ALX4: variants seen among roughly 807,000 people sequenced by gnomAD.
The protein encoded by ALX4 is ALX homeobox 4.
A neutral mutation model predicts 40.6 loss-of-function variants in ALX4; 22 were observed. The observed-to-expected ratio is 0.54, with a 90% confidence interval of 0.39 to 0.77. The LOEUF (loss-of-function observed/expected upper bound fraction) is 0.77. Ranked by LOEUF, ALX4 falls within the 30% of genes least tolerant of loss-of-function variation. ALX4 has a pLI of 0.00. For synonymous variants in ALX4, 266 were observed against 240.5 expected, an observed-to-expected ratio of 1.11 and a Z score of -0.98; for missense variants, 556 against 564.8, an observed-to-expected ratio of 0.98 and a Z score of 0.16.
Position 44,264,322 on chromosome 11 carries a change from A to C in ALX4, c.*532T>G. On this transcript the variant is annotated 3_prime_UTR_variant, in exon 4 of 4. Transcript: ENST00000652299. ...AGGTGGAGGCTGGCGCCTTGGCCCCAGCAGGTCGGATTCCGTGTGCTTTCA... is the reference window on the plus strand; with the variant it reads ...AGGTGGAGGCTGGCGCCTTGGCCCCCGCAGGTCGGATTCCGTGTGCTTTCA... 1 of 160,942 alleles carries C rather than the reference A, an allele frequency of 6.2e-6. No individual in the cohort carries two copies. The highest frequency in any genetic ancestry group is 1.4e-5 in the Non-Finnish European group (1 of 73,650). 10.0% of individuals were successfully genotyped at this position (160,942 alleles called of 1,614,324 possible).
chr11:44,281,105 CT>C (rs960602950), intron 1 of ALX4, among the ~76,000 whole-genome samples: 1 of 151,838 alleles, frequency 6.6e-6, no homozygotes, highest in African/African-American at 2.4e-5. Flanking sequence ...ACTGATTTTT[CT>C]TTTTTCTTTC....
intron 1 of ALX4, among the ~76,000 whole-genome samples, chr11:44,297,294 A>G (rs1331297081): frequency 1.3e-5 from 2 of 152,218 alleles, no homozygotes; most frequent in African/African-American, 4.8e-5. Context: ...TCTTAATTAA[A>G]ATAAAGATTT....
intron 1 of ALX4, among the ~76,000 whole-genome samples, chr11:44,279,328 C>T (rs1956295669): frequency 6.6e-6 from 1 of 152,234 alleles, no homozygotes; most frequent in African/African-American, 2.4e-5. Flanking sequence ...TCCCTTCCTT[C>T]TGCAGTTCCC....
Position 44,267,530 on chromosome 11 carries a change from C to T in ALX4, c.870G>A (p.Glu290=), listed in dbSNP as rs1956220526. 2 of 1,614,164 alleles carry T rather than the reference C, an allele frequency of 1.2e-6. No homozygotes were observed. The highest frequency in any genetic ancestry group is 1.7e-6 in the Non-Finnish European group (2 of 1,180,036). The change falls in exon 3 of 4, where the codon GAG becomes GAA. Residue 290 remains glutamate (E), a synonymous_variant. Coordinates refer to ENST00000652299, the MANE Select transcript of ALX4 (RefSeq NM_021926.4). ...TCTCAGCTCGGGTGAGGAGGGGCAGCTCATATGCAGTGGAGAAGTGGGTTC... is the reference window on the plus strand; with the variant it reads ...TCTCAGCTCGGGTGAGGAGGGGCAGTTCATATGCAGTGGAGAAGTGGGTTC... ...QVRTHFSTAY[E]LPLLTRAENY... is the part of the protein sequence containing the mutation.
intron 1 of ALX4, among the ~76,000 whole-genome samples, chr11:44,299,347 G>A (rs1194661491): frequency 6.6e-6 from 1 of 150,546 alleles, no homozygotes; most frequent in Admixed American, 6.8e-5. Flanking sequence ...ACGCTTTGGG[G>A]GCCATGGTTT....
chr11:44,269,276 C>T (rs1032501017), intron 2 of ALX4, among the ~76,000 whole-genome samples: 5 of 152,202 alleles, frequency 3.3e-5, no homozygotes, highest in Admixed American at 6.5e-5. Context: ...ACCTCATAGT[C>T]GCAGCAGGGG....
intron 1 of ALX4, among the ~76,000 whole-genome samples, chr11:44,277,167 GC>G (rs1956282850): frequency 6.6e-6 from 1 of 152,206 alleles, no homozygotes; most frequent in African/African-American, 2.4e-5. Flanking sequence ...AGGCTAGTGT[GC>G]TAGCTATGTA....
At chr11:44,292,930 C>T (rs1236553347) in intron 1 of ALX4, among the ~76,000 whole-genome samples, 1 of 150,598 alleles carries the variant, frequency 6.6e-6, no homozygotes, top group African/African-American at 2.4e-5. Context: ...ACCCCCATCT[C>T]TATAAAAAAA....
intron 1 of ALX4, among the ~76,000 whole-genome samples, chr11:44,301,783 C>T (rs535157150): frequency 3.1e-4 from 47 of 152,322 alleles, no homozygotes; most frequent in African/African-American, 1.1e-3. Context: ...GGGTCCATTT[C>T]CCCTTGGGCC....
intron 1 of ALX4, among the ~76,000 whole-genome samples, chr11:44,283,856 G>A (rs148435784): frequency 1.6e-3 from 245 of 152,222 alleles, no homozygotes; most frequent in African/African-American, 5.5e-3. Context: ...GGACCACCGC[G>A]CCAATATTAG....
chr11:44,274,295 TGTTGTGTTAG>T (rs1379991572), intron 2 of ALX4, among the ~76,000 whole-genome samples: 1 of 151,870 alleles, frequency 6.6e-6, no homozygotes, highest in African/African-American at 2.4e-5. Flanking sequence ...CATTGTGTTG[TGTTGTGTTAG>T]GTTGAGTTCT....
chr11:44,305,107 A>G (rs1302289062), intron 1 of ALX4, among the ~76,000 whole-genome samples: 1 of 152,254 alleles, frequency 6.6e-6, no homozygotes, highest in Non-Finnish European at 1.5e-5. Context: ...ACGTTTTACA[A>G]CGTTTAAGGA....
At position 44,275,494 on chromosome 11, in the gene ALX4, T is replaced by C. The variant is rs281865154; in HGVS notation, c.631A>G (p.Lys211Glu). ...GTCCGGTTCCGCCGCTTCTTGCCCT[T>C]GTTGCTCTCTGAGTCGGCCTTCTCC... Reference protein sequence around the residue: ...PLEKADSESNKGKKRRNRTTF... With the variant: ...PLEKADSESNEGKKRRNRTTF... Residue 211 changes from lysine to glutamate, a missense_variant, in exon 2 of 4, where the codon AAG (lysine) becomes GAG (glutamate). Coordinates refer to ENST00000652299, the MANE Select transcript of ALX4 (RefSeq NM_021926.4). 4.3e-6 allele frequency: 7 copies of C among 1,614,026 alleles called. No individual in the cohort carries two copies. Among genetic ancestry groups the C allele is most frequent in the Non-Finnish European group, 5.1e-6 (6 of 1,179,890 alleles).
chr11:44,264,994 T>C lies in ALX4; in HGVS notation c.1096A>G (p.Ser366Gly), dbSNP rs779876897. Reference sequence around the variant, plus strand: ...CTGAGGCTGGCTGCTCCAAACAGGCTGCCCATGTGCGTCTGGCCCACGTGA... The same window carrying C: ...CTGAGGCTGGCTGCTCCAAACAGGCCGCCCATGTGCGTCTGGCCCACGTGA... ...GSHVGQTHMG[S>G]LFGAASLSPG... The change falls in exon 4 of 4, where the codon AGC (serine) becomes GGC (glycine). Residue 366 changes from serine to glycine, a missense_variant. Transcript: ENST00000652299. The C allele has an allele frequency of 6.2e-7, 1 of 1,613,098 alleles. No individual in the cohort carries two copies. The highest frequency in any genetic ancestry group is 8.5e-7 in the Non-Finnish European group (1 of 1,179,942).
chr11:44,269,434 GT>G (rs1956232343), intron 2 of ALX4, among the ~76,000 whole-genome samples: 1 of 152,204 alleles, frequency 6.6e-6, no homozygotes, highest in African/African-American at 2.4e-5. Context: ...GAGGGTGGGG[GT>G]GAGCAGGGGT....
At chr11:44,292,946 T>A (rs10838252) in intron 1 of ALX4, among the ~76,000 whole-genome samples, 144,479 of 151,786 alleles carry the variant, frequency 0.95, 69,025 homozygotes, top group Non-Finnish European at 0.99. Context: ...AAAAAATTTT[T>A]AAATTAGCTG....
rs778173696 is a variant in ALX4 at position 44,275,663 on chromosome 11, G to A, written c.467-5C>T. 1.2e-6 allele frequency: 2 copies of A among 1,611,706 alleles called. No homozygotes were observed. The highest frequency in any genetic ancestry group is 1.1e-5 in the South Asian group (1 of 90,882). ...CACCCAGGGAGCTCTCTTTAGCTGAGGGAGGAGGAAACAAAGTCAGAAACC... is the reference window on the plus strand; with the variant it reads ...CACCCAGGGAGCTCTCTTTAGCTGAAGGAGGAGGAAACAAAGTCAGAAACC... On this transcript the variant is annotated splice_polypyrimidine_tract_variant and splice_region_variant and intron_variant, in intron 1 of 3. Transcript: ENST00000652299.
chr11:44,286,142 T>C (rs1444059754), intron 1 of ALX4, among the ~76,000 whole-genome samples: 1 of 152,144 alleles, frequency 6.6e-6, no homozygotes, highest in African/African-American at 2.4e-5. Flanking sequence ...CACACACTGC[T>C]TGTGTCAGGA....
At position 44,265,072 on chromosome 11, in the gene ALX4, CA is replaced by C. The variant is rs1403155983; in HGVS notation, c.1017del (p.Gly340AlafsTer11). 1.2e-6 allele frequency: 2 copies of C among 1,612,970 alleles called. No homozygotes were observed. The highest frequency in any genetic ancestry group is 3.3e-5 in the Admixed American group (2 of 60,012). On this transcript the variant is annotated frameshift_variant, in exon 4 of 4. Transcript: ENST00000652299. LOFTEE classifies it high-confidence loss of function. The stretch of plus-strand genomic sequence containing the variant: ...TCGGTGACGCTGCTGGCCCCAGAGC[CA>C]GGGGGGTGGGCATGAGGGGACATGC... ...PACMSPHAHPPGSGASSVTDF... is the reference protein window; with the variant it reads ...PACMSPHAHPXGSGASSVTDF...
Sources: allele counts gnomAD v4.1 joint callset (sites outside exome capture counted in the v4.1 genomes callset), GRCh38; gene constraint gnomAD v4.1.1; transcripts MANE v1.5; gene names NCBI Gene and HGNC (gene_info 2026-07-23, HGNC 2026-07-21).